Variants in AKNAD1 observed in about 807,000 individuals in gnomAD.
AKNAD1 encodes protein AKNAD1.
In AKNAD1, 67 loss-of-function variants were observed where a neutral mutation model predicts 90.8. The ratio of observed to expected loss-of-function variants is 0.74; its 90% confidence interval spans 0.61 to 0.90. AKNAD1 has a LOEUF of 0.90. Ranked by LOEUF, AKNAD1 falls within the 40% of genes least tolerant of loss-of-function variation. The pLI, the probability that AKNAD1 is intolerant of heterozygous loss-of-function variation, is 0.00. For synonymous variants in AKNAD1, 327 were observed against 341.4 expected, an observed-to-expected ratio of 0.96 and a Z score of 0.46; for missense variants, 957 against 975.4, an observed-to-expected ratio of 0.98 and a Z score of 0.25.
chr1:108,834,639 G>T, intron 8 of AKNAD1, 111 bp from the exon 9 acceptor site: 1 of 1,107,172 alleles, frequency 9.0e-7, no homozygotes, highest in Non-Finnish European at 1.3e-6. Flanking sequence ...GTGGGAGCGA[G>T]CAACCTAAGG....
chr1:108,853,064 T>C (rs116662163), intron 1 of AKNAD1, among the ~76,000 whole-genome samples: 1,812 of 152,104 alleles, frequency 0.012, 20 homozygotes, highest in Admixed American at 0.038. Flanking sequence ...CCTTAGGAGA[T>C]AGTATTTGGA....
chr1:108,844,149 G>A (rs563852941), intron 5 of AKNAD1, among the ~76,000 whole-genome samples: 1 of 152,158 alleles, frequency 6.6e-6, no homozygotes, highest in Non-Finnish European at 1.5e-5. Flanking sequence ...GATCATTTTA[G>A]GTCATTAGTT....
At chr1:108,853,352 T>C (rs996845178) in intron 1 of AKNAD1, among the ~76,000 whole-genome samples, 50 of 151,946 alleles carry the variant, frequency 3.3e-4, no homozygotes, top group South Asian at 6.2e-4. Flanking sequence ...AGGATGGTCT[T>C]CATCTCCTGA....
intron 5 of AKNAD1, among the ~76,000 whole-genome samples, chr1:108,846,825 A>T (rs1319249026): frequency 6.6e-6 from 1 of 152,074 alleles, no homozygotes; most frequent in Non-Finnish European, 1.5e-5. Flanking sequence ...TCCCAAAGGT[A>T]GCTCAAACTC....
At position 108,823,627 on chromosome 1, in the gene AKNAD1, ACATTTGTTACTCTG is replaced by A; in HGVS notation, c.1984_1997del (p.Gln662SerfsTer6). 1 of 1,614,144 alleles carries A rather than the reference ACATTTGTTACTCTG, an allele frequency of 6.2e-7. No homozygotes were observed. Among genetic ancestry groups the A allele is most frequent in the Non-Finnish European group, 8.5e-7 (1 of 1,180,022 alleles). Reference sequence around the variant, plus strand: ...TAGGAATCTTAGTGCCACAGTCCTGACATTTGTTACTCTGCATTTCAGTGCCAGAATCAGAACAG... The same window carrying A: ...TAGGAATCTTAGTGCCACAGTCCTGACATTTCAGTGCCAGAATCAGAACAG... On this transcript the variant is annotated frameshift_variant, in exon 12 of 16. Transcript: ENST00000370001. LOFTEE classifies it high-confidence loss of function.
At position 108,844,966 on chromosome 1, in the gene AKNAD1, G is replaced by C. The variant is rs577410437; in HGVS notation, c.1246-1699C>G. On this transcript the variant is annotated intron_variant, in intron 5 of 15. Coordinates refer to ENST00000370001, the MANE Select transcript of AKNAD1 (RefSeq NM_152763.5). ...TCCAAGTAGCTGAGATTACAGGTGT[G>C]CACCACCATGCCTGGCTAATTTTTG... is the stretch of plus-strand genomic sequence containing the variant. 1.1e-3 allele frequency among the ~76,000 whole-genome samples: 167 copies of C among 152,082 alleles called. 1 individual carries two copies. The Middle Eastern group carries it at 0.02, about 19-fold the overall frequency.
chr1:108,838,329 C>CA (rs1342863959), intron 6 of AKNAD1, among the ~76,000 whole-genome samples: 6,220 of 136,076 alleles, frequency 0.046, 388 homozygotes, highest in African/African-American at 0.14. Context: ...GCCCCCCCCC[C>CA]AAAAAAAACC....
chr1:108,834,952 C>T lies in AKNAD1; in HGVS notation c.1641G>A (p.Glu547=). The change falls in exon 8 of 16, where the codon GAG becomes GAA. Residue 547 remains glutamate, a synonymous_variant. Transcript: ENST00000370001. ...ACGTCTGCGGGGCCAGCTCACAGAG[C>T]TCCTCGTTGGGGGCCTCCTGCGGCC... ...QGGPQEAPNE[E]LCELAPQTYL... is the part of the protein sequence containing the mutation. 6.5e-7 allele frequency: 1 copy of T among 1,545,116 alleles called. No individual in the cohort carries two copies. The highest frequency in any genetic ancestry group is 2.3e-5 in the Admixed American group (1 of 42,572).
chr1:108,854,928 T>C (rs920350614), intron 1 of AKNAD1, among the ~76,000 whole-genome samples: 4 of 152,070 alleles, frequency 2.6e-5, no homozygotes, highest in African/African-American at 7.2e-5. Context: ...GGACTAGCAA[T>C]ACCTGAAATA....
At chr1:108,832,133 A>G (rs918045419) in intron 9 of AKNAD1, among the ~76,000 whole-genome samples, 2 of 151,542 alleles carry the variant, frequency 1.3e-5, no homozygotes, top group Admixed American at 6.6e-5. Flanking sequence ...GGATTTAAGC[A>G]ATTTGGCAAG....
chr1:108,855,948 C>G (rs1437043414), intron 1 of AKNAD1, among the ~76,000 whole-genome samples: 2 of 149,368 alleles, frequency 1.3e-5, no homozygotes, highest in African/African-American at 4.9e-5. Flanking sequence ...AACACCATGG[C>G]TCAACTGATC....
chr1:108,823,755 G>C, intron 11 of AKNAD1, 67 bp from the exon 12 acceptor site: 2 of 1,608,040 alleles, frequency 1.2e-6, no homozygotes, highest in Non-Finnish European at 1.7e-6. Context: ...ATACGGTGTG[G>C]AGAGCAGAGC....
rs946389768 is a variant in AKNAD1, at chr1:108,834,539, A to AC, written c.1665-12_1665-11insG. 16 of 1,581,144 alleles carry AC rather than the reference A, an allele frequency of 1.0e-5. No homozygotes were observed. Among genetic ancestry groups the AC allele is most frequent in the Non-Finnish European group, 1.3e-5 (15 of 1,164,630 alleles). ...TGACCGTTTAGGTAACTAATTTAAA[A>AC]AAAAAAAAAGCAGTTTGAATGTTAG... On this transcript the variant is annotated splice_polypyrimidine_tract_variant and intron_variant, in intron 8 of 15. Coordinates refer to ENST00000370001, the MANE Select transcript of AKNAD1 (RefSeq NM_152763.5).
chr1:108,826,439 G>GA (rs34954897), intron 11 of AKNAD1, among the ~76,000 whole-genome samples: 2 of 150,948 alleles, frequency 1.3e-5, no homozygotes, highest in Middle Eastern at 6.4e-3. Flanking sequence ...AACTATCTTT[G>GA]AAAAAAAGGA....
chr1:108,818,381 G>A (rs765040729), intron 14 of AKNAD1, among the ~76,000 whole-genome samples: 85 of 152,204 alleles, frequency 5.6e-4, no homozygotes, highest in Non-Finnish European at 1.0e-3. Flanking sequence ...CCAGGCAAGA[G>A]GTGGTCCAGC....
chr1:108,853,750 A>G (rs183265627), intron 1 of AKNAD1, among the ~76,000 whole-genome samples: 1 of 152,046 alleles, frequency 6.6e-6, no homozygotes, highest in African/African-American at 2.4e-5. Context: ...CCTGGCCAAC[A>G]TGGCGAAACC....
At chr1:108,837,229 AAAAAAAATTATTTCT>A in intron 7 of AKNAD1, 1 of 212,638 alleles carries the variant, frequency 4.7e-6, no homozygotes. Context: ...AACTATGAAG[AAAAAAAATTATTTCT>A]TCCAGGCATG....
chr1:108,838,583 C>T (rs566724801), intron 6 of AKNAD1, among the ~76,000 whole-genome samples: 21 of 152,000 alleles, frequency 1.4e-4, no homozygotes, highest in Admixed American at 5.2e-4. Context: ...AAATAAACCA[C>T]AGAAAAGGAT....
intron 6 of AKNAD1, among the ~76,000 whole-genome samples, chr1:108,839,114 T>TG (rs1328644696): frequency 6.6e-6 from 1 of 152,160 alleles, no homozygotes; most frequent in East Asian, 1.9e-4. Context: ...TATAGAACCT[T>TG]GGAGTTCACT....
Sources: gnomAD v4.1 joint callset for allele counts (sites outside exome capture counted in the v4.1 genomes callset) on GRCh38, gnomAD v4.1.1 for gene constraint, MANE v1.5 for transcripts, NCBI Gene and HGNC (gene_info 2026-07-23, HGNC 2026-07-21) for gene names.